Variants in CYTH3 observed in about 807,000 individuals in gnomAD.
CYTH3 encodes the protein cytohesin-3.
Under a neutral mutation model 55.1 loss-of-function variants are expected in CYTH3, and 23 were observed. The observed-to-expected ratio is 0.42, with a 90% CI of 0.30 to 0.59. CYTH3 has a LOEUF of 0.59. Among genes scored for constraint, CYTH3 ranks in the 20% least tolerant of loss-of-function variants. The pLI, the probability that CYTH3 is intolerant of heterozygous loss-of-function variation, is 0.20. For synonymous variants in CYTH3, 249 were observed against 194.9 expected, an observed-to-expected ratio of 1.28 and a Z score of -2.31; for missense variants, 413 against 524.8, an observed-to-expected ratio of 0.79 and a Z score of 2.08.
chr7:6,189,059 C>A (rs978238757), intron 2 of CYTH3, among the ~76,000 whole-genome samples: 13 of 152,198 alleles, frequency 8.5e-5, no homozygotes, highest in African/African-American at 3.1e-4. Context: ...TTTATTTTGG[C>A]AATGACAATG....
At position 6,180,636 on chromosome 7, in the gene CYTH3, G is replaced by A. The variant is rs550287841; in HGVS notation, c.250-2695C>T. Among the ~76,000 whole-genome samples, 15 of 152,326 alleles carry A rather than the reference G, an allele frequency of 9.8e-5. No individual in the cohort carries two copies. In the South Asian group the frequency reaches 2.9e-3, roughly 29 times the overall value. ...CTTGTTTTAAACCACCCCGTTGCTG[G>A]TCATTTGTCATGGCAGCCCTAGAAT... is the stretch of plus-strand genomic sequence containing the variant. On this transcript the variant is annotated intron_variant, in intron 4 of 12. Coordinates refer to ENST00000350796, the MANE Select transcript of CYTH3 (RefSeq NM_004227.4).
At chr7:6,251,596 A>G (rs964973598) in intron 1 of CYTH3, among the ~76,000 whole-genome samples, 3 of 152,224 alleles carry the variant, frequency 2.0e-5, no homozygotes, top group Non-Finnish European at 2.9e-5. Flanking sequence ...GTGCTCATAT[A>G]TTACATCCAC....
In CYTH3 at chr7:6,253,677, G is replaced by A. The variant is rs184455494; in HGVS notation, c.34+18797C>T. ...CTAAAAATACAAAAATTAGCCGGGCGTGGTAGTAGGCACCTGTAGTCCCAG... is the reference window on the plus strand; with the variant it reads ...CTAAAAATACAAAAATTAGCCGGGCATGGTAGTAGGCACCTGTAGTCCCAG... On this transcript the variant is annotated intron_variant, in intron 1 of 12. Coordinates refer to ENST00000350796, the MANE Select transcript of CYTH3 (RefSeq NM_004227.4). Among the ~76,000 whole-genome samples the A allele has an allele frequency of 5.3e-5, 8 of 152,216 alleles. No homozygotes were observed. In the East Asian group the frequency reaches 5.8e-4, roughly 11 times the overall value.
rs1783113297 is a variant in CYTH3 at position 6,169,606 on chromosome 7, C to T, written c.823+929G>A. ...CTCAGAAAGGCTTGCGTGAACCCAGCTACCGCATCTCGCCCGCTTCACTGT... is the reference window on the plus strand; with the variant it reads ...CTCAGAAAGGCTTGCGTGAACCCAGTTACCGCATCTCGCCCGCTTCACTGT... On this transcript the variant is annotated intron_variant, in intron 9 of 12. Transcript: ENST00000350796. The surrounding 1 kb of genome is among the most constrained non-coding windows in gnomAD (Gnocchi z 4.1). 6.6e-6 allele frequency among the ~76,000 whole-genome samples: 1 copy of T among 152,204 alleles called. No individual in the cohort carries two copies. Among genetic ancestry groups the T allele is most frequent in the South Asian group, 2.1e-4 (1 of 4,832 alleles).
chr7:6,179,721 CCACACA>C (rs1328242628), intron 4 of CYTH3, among the ~76,000 whole-genome samples: 5 of 114,082 alleles, frequency 4.4e-5, no homozygotes, highest in Non-Finnish European at 7.2e-5. Flanking sequence ...ACCCCACACA[CCACACA>C]CACACACCCA....
At chr7:6,255,340 C>T (rs1173309999) in intron 1 of CYTH3, among the ~76,000 whole-genome samples, 1 of 152,182 alleles carries the variant, frequency 6.6e-6, no homozygotes, top group Non-Finnish European at 1.5e-5. Context: ...TGACAATATT[C>T]TGCCTTGAAC....
chr7:6,200,848 C>T (rs566801759), intron 1 of CYTH3, among the ~76,000 whole-genome samples: 63 of 152,316 alleles, frequency 4.1e-4, no homozygotes, highest in African/African-American at 1.4e-3. Flanking sequence ...CTCAGCGTCC[C>T]AAACTCAGGT....
At chr7:6,243,151 T>A (rs967627853) in intron 1 of CYTH3, among the ~76,000 whole-genome samples, 6 of 152,208 alleles carry the variant, frequency 3.9e-5, no homozygotes, top group African/African-American at 7.2e-5. Flanking sequence ...CTGCCCTAAG[T>A]CTGGCCTGAA....
chr7:6,172,869 C>A, intron 6 of CYTH3: 1 of 1,264,652 alleles, frequency 7.9e-7, no homozygotes, highest in Non-Finnish European at 1.0e-6. Context: ...CACAACATCA[C>A]GAGGGTCCCA....
At chr7:6,259,801 A>ATATAATATATATATAT (rs1780284797) in intron 1 of CYTH3, among the ~76,000 whole-genome samples, 2 of 24,092 alleles carry the variant, frequency 8.3e-5, no homozygotes, top group African/African-American at 9.5e-4. Context: ...ATATATATAT[A>ATATAATATATATATAT]TATATATATA....
chr7:6,165,716 G>A lies in CYTH3; in HGVS notation c.900+18C>T, dbSNP rs1327549466. On this transcript the variant is annotated intron_variant, in intron 10 of 12. Coordinates refer to ENST00000350796, the MANE Select transcript of CYTH3 (RefSeq NM_004227.4). ...CGGGACTGCTGGGAGGCGGCAAGGA[G>A]GCCTGGCCCTTACTTACTGTTGTGT... 3 of 1,614,066 alleles carry A rather than the reference G, an allele frequency of 1.9e-6. No individual in the cohort carries two copies. The highest frequency in any genetic ancestry group is 8.5e-7 in the Non-Finnish European group (1 of 1,179,924).
At chr7:6,172,770 C>T (rs1314763146) in intron 6 of CYTH3, 14 of 1,264,266 alleles carry the variant, frequency 1.1e-5, no homozygotes, top group South Asian at 6.4e-5. Context: ...CTTCCAGAAA[C>T]GCAATCTGAT....
In CYTH3 at chr7:6,177,882, C is replaced by A. The variant is rs761315277; in HGVS notation, c.309G>T (p.Gln103His). 6.2e-7 allele frequency: 1 copy of A among 1,614,050 alleles called. No individual in the cohort carries two copies. The highest frequency in any genetic ancestry group is 1.3e-5 in the African/African-American group (1 of 74,928). ...TTAGGCCTTCTCCTTTATAAAGGAA[C>A]TGGGCGACGTCTTCTGGGGAACTCT... is the stretch of plus-strand genomic sequence containing the variant. Reference protein sequence around the residue: ...LLQSSPEDVAQFLYKGEGLNK... With the variant: ...LLQSSPEDVAHFLYKGEGLNK... The change falls in exon 5 of 13, where the codon CAG (glutamine) becomes CAT (histidine). Residue 103 changes from glutamine (Q) to histidine (H), a missense_variant. Around this residue, in one of 4 missense-constraint regions of CYTH3, gnomAD observed 152 missense variants for 148.1 expected, o/e 1.03. Coordinates refer to ENST00000350796, the MANE Select transcript of CYTH3 (RefSeq NM_004227.4).
chr7:6,214,126 C>T (rs2128549841), intron 1 of CYTH3, among the ~76,000 whole-genome samples: 1 of 152,212 alleles, frequency 6.6e-6, no homozygotes, highest in Non-Finnish European at 1.5e-5. Context: ...ACACCTCCAG[C>T]TCTGAAATGT....
chr7:6,184,677 C>G (rs1783592178), intron 4 of CYTH3, among the ~76,000 whole-genome samples: 1 of 152,124 alleles, frequency 6.6e-6, no homozygotes, highest in Admixed American at 6.5e-5. Context: ...CTCCCAGGTT[C>G]AAGCGATTCT....
chr7:6,176,494 C>T (rs746966317), intron 5 of CYTH3, among the ~76,000 whole-genome samples: 6 of 152,038 alleles, frequency 3.9e-5, no homozygotes, highest in African/African-American at 1.4e-4. Flanking sequence ...ATCTCCTGAC[C>T]TTGTGATCTG....
rs375669464 is a variant in CYTH3, at chr7:6,187,020, C to G, written c.249+30G>C. 6.9e-5 allele frequency: 111 copies of G among 1,606,478 alleles called. 1 individual carries two copies. Among genetic ancestry groups the G allele is most frequent in the South Asian group, 4.8e-4 (44 of 90,930 alleles). On this transcript the variant is annotated intron_variant, in intron 4 of 12. Coordinates refer to ENST00000350796, the MANE Select transcript of CYTH3 (RefSeq NM_004227.4). ...TTCAAATCAATTAGTCCATCTCCTG[C>G]AGGCCAGAAAAGGGAGAGCATTCTC...
rs1562417365 is a variant in CYTH3, at chr7:6,259,759, AT to A, written c.34+12714del. Among the ~76,000 whole-genome samples, 97 of 26,558 alleles carry A rather than the reference AT, an allele frequency of 3.7e-3. 4 individuals are homozygous for A. The East Asian group carries it at 0.039, about 11-fold the overall frequency. 17.4% of individuals were successfully genotyped at this position (26,558 alleles called of 152,430 possible). A position where few individuals can be genotyped will look rare whatever the true frequency, so the allele number is the denominator to read the frequency against. ...CATATATATAATATATATATATATT[AT>A]ATATATATATATTATATATATATAA... On this transcript the variant is annotated intron_variant, in intron 1 of 12. Coordinates refer to ENST00000350796, the MANE Select transcript of CYTH3 (RefSeq NM_004227.4).
intron 3 of CYTH3, 79 bp from the exon 4 acceptor site, chr7:6,187,195 C>G (rs1186567365): frequency 6.9e-7 from 1 of 1,454,046 alleles, no homozygotes; most frequent in African/African-American, 1.4e-5. Flanking sequence ...AGTGTACTTT[C>G]CCCCGCAACA....
Sources: gnomAD v4.1 joint callset for allele counts (sites outside exome capture counted in the v4.1 genomes callset) on GRCh38, gnomAD v4.1.1 for gene constraint, gnomAD v4.1.1 regional missense constraint, Gnocchi (gnomAD v3.1) non-coding constraint, MANE v1.5 for transcripts, NCBI Gene and HGNC (gene_info 2026-07-23, HGNC 2026-07-21) for gene names.